Variants in TCF3 observed in about 807,000 individuals in gnomAD.
The protein encoded by TCF3 is transcription factor E2-alpha.
A neutral mutation model predicts 72.3 loss-of-function variants in TCF3; 54 were observed. The ratio of observed to expected loss-of-function variants is 0.75; its 90% CI spans 0.60 to 0.94. The LOEUF (loss-of-function observed/expected upper bound fraction) is 0.94, where lower values mean the gene tolerates loss of function less well. Among genes scored for constraint, TCF3 ranks in the 40% least tolerant of loss-of-function variants. The pLI, the probability that TCF3 is intolerant of heterozygous loss-of-function variation, is 0.00. For synonymous variants in TCF3, 525 were observed against 412.6 expected, an observed-to-expected ratio of 1.27 and a Z score of -3.30; for missense variants, 1,078 against 934.4, an observed-to-expected ratio of 1.15 and a Z score of -2.00.
chr19:1,620,328 G>A (rs556613556), intron 13 of TCF3, among the ~76,000 whole-genome samples: 15 of 152,190 alleles, frequency 9.9e-5, no homozygotes, highest in African/African-American at 3.1e-4. Context: ...GAAACCTCCA[G>A]TTCTCACTCC....
chr19:1,637,521 G>A (rs960527652), intron 3 of TCF3, among the ~76,000 whole-genome samples: 2 of 152,118 alleles, frequency 1.3e-5, no homozygotes, highest in South Asian at 2.1e-4. Flanking sequence ...AGAGATAACC[G>A]AGACCCCATC....
chr19:1,624,183 G>C, intron 7 of TCF3, among the ~76,000 whole-genome samples, 183 bp from the exon 8 acceptor site: 1 of 152,190 alleles, frequency 6.6e-6, no homozygotes, highest in Admixed American at 6.5e-5. Flanking sequence ...AGATCACGAG[G>C]TCAAGAGATC....
At chr19:1,638,628 G>A (rs1327262095) in intron 3 of TCF3, among the ~76,000 whole-genome samples, 2 of 152,206 alleles carry the variant, frequency 1.3e-5, no homozygotes, top group Non-Finnish European at 1.5e-5. Flanking sequence ...TCACAGAAGG[G>A]GGCAGATGCG....
At chr19:1,630,143 C>T (rs1392579094) in intron 5 of TCF3, among the ~76,000 whole-genome samples, 8 of 152,196 alleles carry the variant, frequency 5.3e-5, no homozygotes, top group Non-Finnish European at 8.8e-5. Flanking sequence ...GTGGGAACTG[C>T]CCACGTCAGC....
intron 2 of TCF3, 48 bp downstream of exon 2, chr19:1,650,129 C>T (rs2066781165): frequency 2.0e-6 from 3 of 1,506,906 alleles, no homozygotes; most frequent in Non-Finnish European, 2.7e-6. Flanking sequence ...TTCCCGTGAA[C>T]TGTGGAGGCA....
intron 11 of TCF3, among the ~76,000 whole-genome samples, 177 bp downstream of exon 11, chr19:1,621,661 A>T (rs561828348): frequency 1.3e-5 from 2 of 152,188 alleles, no homozygotes; most frequent in Non-Finnish European, 2.9e-5. Flanking sequence ...AGACATCCCA[A>T]GCCCAACGCA....
At chr19:1,620,676 T>A (rs1051509252) in intron 13 of TCF3, among the ~76,000 whole-genome samples, 1 of 152,178 alleles carries the variant, frequency 6.6e-6, no homozygotes, top group Admixed American at 6.5e-5. Flanking sequence ...CCTGGTTATG[T>A]GCTATAGCCT....
intron 18 of TCF3, chr19:1,612,224 A>G: frequency 1.3e-6 from 2 of 1,589,740 alleles, no homozygotes; most frequent in South Asian, 1.1e-5. Flanking sequence ...CTGCTGCTCC[A>G]GCCCCAGGAT....
chr19:1,619,754 T>C, intron 14 of TCF3, 26 bp downstream of exon 14: 1 of 518,730 alleles, frequency 1.9e-6, no homozygotes, highest in Non-Finnish European at 2.6e-6. Context: ...CGGGGAAGGG[T>C]GGGGTGGGGC....
At chr19:1,628,009 G>A (rs1285986607) in intron 5 of TCF3, among the ~76,000 whole-genome samples, 2 of 4,540 alleles carry the variant, frequency 4.4e-4, no homozygotes, top group African/African-American at 1.4e-3. Flanking sequence ...GGACAGCAGA[G>A]CTCACAGGGG....
At chr19:1,617,134 C>T (rs1448648242) in intron 16 of TCF3, among the ~76,000 whole-genome samples, 1 of 152,264 alleles carries the variant, frequency 6.6e-6, no homozygotes, top group African/African-American at 2.4e-5. Context: ...GGGACCTGAA[C>T]AGTCAAAATC....
Position 1,615,703 on chromosome 19 carries a change from G to A in TCF3, c.1569C>T (p.Ala523=). The A allele has an allele frequency of 1.2e-6, 2 of 1,613,420 alleles. No individual in the cohort carries two copies. The highest frequency in any genetic ancestry group is 4.5e-5 in the East Asian group (2 of 44,838). ...GTTGGCACCTGGTCCGGGCCCGGGGGGCCTTCAGCTCCTTCTTCTCCTCCT... is the reference window on the plus strand; with the variant it reads ...GTTGGCACCTGGTCCGGGCCCGGGGAGCCTTCAGCTCCTTCTTCTCCTCCT... ...HSEEEKKELK[A]PRARTSPDED... Residue 523 remains alanine (A), a synonymous_variant, in exon 17 of 19, where the codon GCC becomes GCT. Transcript: ENST00000262965. This position sits in a 1 kb window ranked among gnomAD's most constrained non-coding sequence, Gnocchi z 7.3.
At chr19:1,629,985 C>T (rs902544298) in intron 5 of TCF3, among the ~76,000 whole-genome samples, 2 of 152,184 alleles carry the variant, frequency 1.3e-5, no homozygotes, top group East Asian at 1.9e-4. Context: ...AAACTGAGGC[C>T]ATAGGAGACT....
rs116301458 is a variant in TCF3, at chr19:1,621,662, G to A, written c.955+176C>T. Among the ~76,000 whole-genome samples, 1,116 of 152,306 alleles carry A rather than the reference G, an allele frequency of 7.3e-3. 19 individuals carry two copies. The highest frequency in any genetic ancestry group is 0.025 in the African/African-American group (1,038 of 41,558). ...AAAGATCTGTTTCCAGACATCCCAAGCCCAACGCACGTGGCAGGCCCTGCA... is the reference window on the plus strand; with the variant it reads ...AAAGATCTGTTTCCAGACATCCCAAACCCAACGCACGTGGCAGGCCCTGCA... On this transcript the variant is annotated intron_variant, in intron 11 of 18. Coordinates refer to ENST00000262965, the MANE Select transcript of TCF3 (RefSeq NM_003200.5).
intron 16 of TCF3, among the ~76,000 whole-genome samples, chr19:1,617,937 AGAT>A (rs2061722007): frequency 6.6e-6 from 1 of 152,188 alleles, no homozygotes; most frequent in African/African-American, 2.4e-5. Context: ...CGCTGCGGTG[AGAT>A]GCCCTGGCCT....
intron 2 of TCF3, among the ~76,000 whole-genome samples, chr19:1,649,852 C>T (rs1447258045): frequency 1.3e-5 from 2 of 152,234 alleles, no homozygotes; most frequent in Admixed American, 6.5e-5. Context: ...GCCCATTTTA[C>T]AGATCAGAAG....
At position 1,625,699 on chromosome 19, in the gene TCF3, G is replaced by C; in HGVS notation, c.376C>G (p.Leu126Val). 2 of 1,513,906 alleles carry C rather than the reference G, an allele frequency of 1.3e-6. No homozygotes were observed. The highest frequency in any genetic ancestry group is 1.8e-6 in the Non-Finnish European group (2 of 1,136,914). 93.8% of individuals were successfully genotyped at this position (1,513,906 alleles called of 1,614,324 possible). The change falls in exon 7 of 19, where the codon CTG becomes GTG. Residue 126 changes from leucine to valine, a missense_variant. Leu to Val is a conservative substitution (Grantham distance 32, BLOSUM62 1). Coordinates refer to ENST00000262965, the MANE Select transcript of TCF3 (RefSeq NM_003200.5). ...GVGGLTQAGFLSGELALNSPG... is the reference protein window; with the variant it reads ...GVGGLTQAGFVSGELALNSPG... ...CTGTTGAGGGCCAGCTCGCCTGACA[G>C]GAAGCCAGCCTGGTGGGGAGCGGAT...
At chr19:1,638,744 A>G (rs555462159) in intron 3 of TCF3, among the ~76,000 whole-genome samples, 71 of 152,360 alleles carry the variant, frequency 4.7e-4, no homozygotes, top group African/African-American at 1.4e-3. Flanking sequence ...CGTGTTATTC[A>G]AAACTAGAAA....
At chr19:1,646,599 A>C (rs1258245442) in intron 2 of TCF3, among the ~76,000 whole-genome samples, 172 bp from the exon 3 acceptor site, 1 of 152,208 alleles carries the variant, frequency 6.6e-6, no homozygotes. Context: ...GAAGACTCTG[A>C]GGACTCGCGT....
Sources: allele counts gnomAD v4.1 joint callset (sites outside exome capture counted in the v4.1 genomes callset), GRCh38; gene constraint gnomAD v4.1.1; non-coding constraint Gnocchi (gnomAD v3.1); transcripts MANE v1.5; gene names NCBI Gene and HGNC (gene_info 2026-07-23, HGNC 2026-07-21).